The following GRK5 variants were observed in gnomAD, a reference collection of about 807,000 sequenced individuals.
GRK5 encodes g protein-coupled receptor kinase GRK5.
GRK5 carries 40 observed loss-of-function variants against 78.4 expected under a neutral mutation model. The ratio of observed to expected loss-of-function variants is 0.51; its 90% CI spans 0.40 to 0.66. The LOEUF is 0.66. GRK5 is among the 30% of genes least tolerant of loss of function. The pLI, the probability that GRK5 is intolerant of heterozygous loss-of-function variation, is 0.00. For synonymous variants in GRK5, 289 were observed against 296.8 expected (o/e 0.97, Z 0.27); for missense variants, 598 against 759.9 (o/e 0.79, Z 2.50).
intron 1 of GRK5, among the ~76,000 whole-genome samples, chr10:119,244,613 AG>A: frequency 6.6e-6 from 1 of 152,368 alleles, no homozygotes; most frequent in East Asian, 1.9e-4. Context: ...TTGGGCCTAT[AG>A]TCCTAGCTAC....
At chr10:119,390,735 C>T (rs956521999) in intron 3 of GRK5, among the ~76,000 whole-genome samples, 2 of 152,154 alleles carry the variant, frequency 1.3e-5, no homozygotes, top group Non-Finnish European at 2.9e-5. Flanking sequence ...TCTCGTGAGA[C>T]TTATTCACTA....
intron 1 of GRK5, among the ~76,000 whole-genome samples, chr10:119,247,509 C>T (rs1044894409): frequency 2.6e-5 from 4 of 152,178 alleles, no homozygotes; most frequent in African/African-American, 7.2e-5. Context: ...TGTTTACAAC[C>T]GACATCCTGG....
At chr10:119,230,940 A>T (rs2133724928) in intron 1 of GRK5, among the ~76,000 whole-genome samples, 1 of 151,894 alleles carries the variant, frequency 6.6e-6, no homozygotes, top group Non-Finnish European at 1.5e-5. Flanking sequence ...CTGTAGGGCC[A>T]AATGGGCAGT....
chr10:119,358,632 C>A (rs911581958), intron 2 of GRK5, among the ~76,000 whole-genome samples: 4 of 152,178 alleles, frequency 2.6e-5, no homozygotes, highest in Non-Finnish European at 5.9e-5. Flanking sequence ...TTTTAGAGAC[C>A]AGGAAACTAA....
In GRK5 at chr10:119,267,780, CACAA is replaced by C. The variant is rs1849524879; in HGVS notation, c.53-58731_53-58728del. 6.6e-6 allele frequency among the ~76,000 whole-genome samples: 1 copy of C among 152,148 alleles called. No homozygotes were observed. Among genetic ancestry groups the C allele is most frequent in the Admixed American group, 6.5e-5 (1 of 15,276 alleles). ...TGGGAGTTTCATGCTGGCTCAGCCA[CACAA>C]ACAATGACATGGAACAGGGAGGCGC... is the stretch of plus-strand genomic sequence containing the variant. On this transcript the variant is annotated intron_variant, in intron 1 of 15. Transcript: ENST00000392870. The surrounding 1 kb of genome is among the most constrained non-coding windows in gnomAD (Gnocchi z 4.1).
intron 1 of GRK5, among the ~76,000 whole-genome samples, chr10:119,303,535 G>GC (rs1263155986): frequency 6.6e-6 from 1 of 152,194 alleles, no homozygotes; most frequent in African/African-American, 2.4e-5. Flanking sequence ...TGGAGTGTGG[G>GC]CCTGGGGCAT....
At chr10:119,367,160 C>T (rs1480681340) in intron 2 of GRK5, among the ~76,000 whole-genome samples, 1 of 152,202 alleles carries the variant, frequency 6.6e-6, no homozygotes, top group African/African-American at 2.4e-5. Context: ...AACCAAAGCT[C>T]ATGTCTTTCT....
chr10:119,456,974 A>C lies in GRK5; in HGVS notation c.*1907A>C, dbSNP rs1004831243. 3 of 152,146 alleles carry C rather than the reference A, an allele frequency of 2.0e-5. No individual in the cohort carries two copies. The highest frequency in any genetic ancestry group is 6.5e-5 in the Admixed American group (1 of 15,278). The allele number at this position is 152,146 out of a possible 1,614,324, so 9.4% of individuals were successfully genotyped here. A position where few individuals can be genotyped will look rare whatever the true frequency, so the allele number is the denominator to read the frequency against. On this transcript the variant is annotated 3_prime_UTR_variant, in exon 16 of 16. Transcript: ENST00000392870. The surrounding 1 kb of genome is among the most constrained non-coding windows in gnomAD (Gnocchi z 5.5). The stretch of plus-strand genomic sequence containing the variant: ...AGAAGAAATAGCTGGGCTTCCCTCA[A>C]ATCTTTTTAATGTGCAGTATTTTTT...
chr10:119,257,147 C>T (rs764614780), intron 1 of GRK5, among the ~76,000 whole-genome samples: 25 of 152,226 alleles, frequency 1.6e-4, no homozygotes, highest in Admixed American at 3.3e-4. Flanking sequence ...ATGCTACCTT[C>T]GTTTTAACTT....
At chr10:119,219,619 T>A (rs114674400) in intron 1 of GRK5, among the ~76,000 whole-genome samples, 1 of 152,160 alleles carries the variant, frequency 6.6e-6, no homozygotes, top group Non-Finnish European at 1.5e-5. Context: ...CGATTCAACA[T>A]GGTTAAGAAA....
intron 1 of GRK5, among the ~76,000 whole-genome samples, chr10:119,322,981 A>G (rs992706102): frequency 9.2e-5 from 14 of 152,226 alleles, no homozygotes; most frequent in Non-Finnish European, 1.5e-4. Context: ...CTTCAAAACA[A>G]ATGAAGTTCT....
intron 1 of GRK5, among the ~76,000 whole-genome samples, chr10:119,209,329 C>T (rs912222080): frequency 6.6e-6 from 1 of 152,046 alleles, no homozygotes; most frequent in Admixed American, 6.6e-5. Context: ...ATTTCAGAAG[C>T]CCCGAAGGGA....
intron 1 of GRK5, among the ~76,000 whole-genome samples, chr10:119,261,769 C>T (rs563353266): frequency 7.9e-5 from 12 of 152,238 alleles, no homozygotes; most frequent in African/African-American, 1.7e-4. Context: ...CGTGGCGGCG[C>T]GCGCCTGCAA....
intron 1 of GRK5, 138 bp from the exon 2 acceptor site, chr10:119,326,378 G>A (rs1412412446): frequency 3.0e-6 from 2 of 671,884 alleles, no homozygotes; most frequent in Non-Finnish European, 5.3e-6. Context: ...TGTGTGTCTT[G>A]GGCTGGGGGT....
At chr10:119,298,580 C>T (rs180894817) in intron 1 of GRK5, among the ~76,000 whole-genome samples, 2 of 152,266 alleles carry the variant, frequency 1.3e-5, no homozygotes, top group East Asian at 1.9e-4. Context: ...ATGTGCTCTG[C>T]CTTTTCACCC....
At position 119,412,458 on chromosome 10, in the gene GRK5, C is replaced by T. The variant is rs528716011; in HGVS notation, c.340-10708C>T. On this transcript the variant is annotated intron_variant, in intron 4 of 15. Coordinates refer to ENST00000392870, the MANE Select transcript of GRK5 (RefSeq NM_005308.3). The surrounding 1 kb of genome is among the most constrained non-coding windows in gnomAD (Gnocchi z 4.3). ...TGGAGGGAGGGACAGGCCACGAGCC[C>T]GCACAGCTCGTGAGCGTGTGGCCGG... Among the ~76,000 whole-genome samples the T allele has an allele frequency of 7.9e-5, 12 of 152,286 alleles. No homozygotes were observed. The highest frequency in any genetic ancestry group is 2.6e-4 in the Admixed American group (4 of 15,304).
intron 12 of GRK5, among the ~76,000 whole-genome samples, chr10:119,446,420 G>A (rs957463935): frequency 3.3e-5 from 5 of 152,170 alleles, no homozygotes; most frequent in Admixed American, 1.3e-4. Flanking sequence ...CCTGGCTGCC[G>A]TCCCACCTGG....
chr10:119,240,188 A>G (rs1445982907), intron 1 of GRK5, among the ~76,000 whole-genome samples: 2 of 91,676 alleles, frequency 2.2e-5, no homozygotes, highest in Admixed American at 2.4e-4. Context: ...CTGTTTCCCG[A>G]CTTTTTTTTT....
At chr10:119,411,217 T>A (rs1279994922) in intron 4 of GRK5, among the ~76,000 whole-genome samples, 1 of 152,106 alleles carries the variant, frequency 6.6e-6, no homozygotes, top group Admixed American at 6.5e-5. Context: ...CAAGAGATCC[T>A]CAGCCAAAGA....
Sources: allele counts gnomAD v4.1 joint callset (sites outside exome capture counted in the v4.1 genomes callset), GRCh38; gene constraint gnomAD v4.1.1; non-coding constraint Gnocchi (gnomAD v3.1); transcripts MANE v1.5; gene names NCBI Gene and HGNC (gene_info 2026-07-23, HGNC 2026-07-21).